PCNX2: variants seen among roughly 807,000 people sequenced by gnomAD.
PCNX2 encodes the protein pecanex-like protein 2.
PCNX2 carries 168 observed loss-of-function variants against 223.8 expected under a neutral mutation model. That is an observed-to-expected ratio of 0.75 (90% CI 0.66 to 0.85). The LOEUF is 0.85. Ranked by LOEUF, PCNX2 falls within the 40% of genes least tolerant of loss-of-function variation. The pLI, the probability that PCNX2 is intolerant of heterozygous loss-of-function variation, is 0.00. For missense variants in PCNX2, 2,507 were observed against 2,675.5 expected (o/e 0.94, Z 1.39); for synonymous variants, 1,006 against 1,052.6 (o/e 0.96, Z 0.86).
chr1:233,280,220 C>T (rs1661120401), intron 1 of PCNX2, among the ~76,000 whole-genome samples: 2 of 151,870 alleles, frequency 1.3e-5, no homozygotes, highest in African/African-American at 2.4e-5. Flanking sequence ...ACAAATAGTG[C>T]TTCAGTGACT....
At chr1:233,081,998 G>C (rs1417840913) in intron 23 of PCNX2, among the ~76,000 whole-genome samples, 1 of 150,162 alleles carries the variant, frequency 6.7e-6, no homozygotes, top group Non-Finnish European at 1.5e-5. Flanking sequence ...GTGTGTTTGT[G>C]TGTGTGTGTG....
chr1:233,287,496 G>A (rs1490778627), intron 1 of PCNX2, among the ~76,000 whole-genome samples: 1 of 152,110 alleles, frequency 6.6e-6, no homozygotes, highest in Admixed American at 6.5e-5. Flanking sequence ...GAGATCTGGT[G>A]GTTTTATAAA....
intron 17 of PCNX2, among the ~76,000 whole-genome samples, chr1:233,174,819 T>G (rs1679378288): frequency 6.6e-6 from 1 of 152,184 alleles, no homozygotes; most frequent in Non-Finnish European, 1.5e-5. Context: ...TATATCTTTA[T>G]TAAGTAATGA....
chr1:233,131,875 C>T (rs571855316), intron 21 of PCNX2, among the ~76,000 whole-genome samples: 15 of 151,830 alleles, frequency 9.9e-5, no homozygotes, highest in Non-Finnish European at 2.2e-4. Context: ...ATTGGTGCTT[C>T]AAAAAGATGA....
Position 233,258,119 on chromosome 1 carries a change from G to T in PCNX2, c.1743C>A (p.Ser581=). The T allele has an allele frequency of 6.2e-7, 1 of 1,613,818 alleles. No homozygotes were observed. Among genetic ancestry groups the T allele is most frequent in the Non-Finnish European group, 8.5e-7 (1 of 1,179,826 alleles). Residue 581 remains serine (S), a synonymous_variant, in exon 5 of 34, where the codon TCC becomes TCA. Transcript: ENST00000258229. ...PNESNFLEFV[S]LLESINTSKM... is the part of the protein sequence containing the mutation. The stretch of plus-strand genomic sequence containing the variant: ...TGGAAGTATTAATGGATTCTAACAG[G>T]GAGACAAATTCCAGGAAGTTGGACT...
intron 4 of PCNX2, 142 bp from the exon 5 acceptor site, chr1:233,259,486 T>G (rs1224307995): frequency 2.4e-6 from 3 of 1,245,228 alleles, no homozygotes; most frequent in Non-Finnish European, 3.2e-6. Flanking sequence ...CTTTAAGTTC[T>G]GGGTTACATG....
intron 15 of PCNX2, among the ~76,000 whole-genome samples, chr1:233,194,775 G>C (rs1680625660): frequency 6.6e-6 from 1 of 152,118 alleles, no homozygotes; most frequent in Admixed American, 6.5e-5. Context: ...CCAGCACTTT[G>C]GGAGGCCGAG....
rs199655417 is a variant in PCNX2 at position 233,001,714 on chromosome 1, A to C, written c.4953-33T>G. ...ACAAAGTCCTATTACTATGGAACAA[A>C]TTTCAGAATCCTGTCATTGTGAGCA... On this transcript the variant is annotated intron_variant, in intron 28 of 33. Transcript: ENST00000258229. The surrounding 1 kb of genome is among the most constrained non-coding windows in gnomAD (Gnocchi z 4.2). 864 of 1,498,080 alleles carry C rather than the reference A, an allele frequency of 5.8e-4. No homozygotes were observed. The highest frequency in any genetic ancestry group is 1.2e-3 in the Admixed American group (59 of 49,188). 92.8% of individuals were successfully genotyped at this position (1,498,080 alleles called of 1,614,324 possible).
Position 233,291,081 on chromosome 1 carries a change from T to C in PCNX2, c.153+4245A>G, listed in dbSNP as rs140726902. On this transcript the variant is annotated intron_variant, in intron 1 of 33. Transcript: ENST00000258229. ...TTTCACAGCCTTCAAAGTGCTCTTA[T>C]ATGTAGTATGTCAGGCAGCATAATG... 3.2e-4 allele frequency: 311 copies of C among 985,364 alleles called. No homozygotes were observed. The African/African-American group carries it at 5.1e-3, about 16-fold the overall frequency. The allele number at this position is 985,364 out of a possible 1,614,324, so 61.0% of individuals were successfully genotyped here.
At chr1:233,195,781 G>C (rs1680691862) in intron 15 of PCNX2, among the ~76,000 whole-genome samples, 1 of 152,152 alleles carries the variant, frequency 6.6e-6, no homozygotes, top group Admixed American at 6.5e-5. Context: ...AAGTAACAAA[G>C]ACTGTGGTAT....
chr1:233,236,132 C>G (rs1658396059), intron 9 of PCNX2, among the ~76,000 whole-genome samples: 1 of 151,650 alleles, frequency 6.6e-6, no homozygotes. Context: ...CAATGGAAAC[C>G]AATCTTTCTT....
intron 19 of PCNX2, among the ~76,000 whole-genome samples, chr1:233,150,578 A>G (rs1677737928): frequency 6.6e-6 from 1 of 152,182 alleles, no homozygotes; most frequent in South Asian, 2.1e-4. Context: ...TCTCTTCCTC[A>G]ACCAAGATGA....
intron 19 of PCNX2, among the ~76,000 whole-genome samples, chr1:233,156,734 A>G (rs1323250226): frequency 6.6e-6 from 1 of 152,170 alleles, no homozygotes; most frequent in Non-Finnish European, 1.5e-5. Flanking sequence ...ACTGGCCAAC[A>G]TGGTGAAACC....
intron 15 of PCNX2, among the ~76,000 whole-genome samples, chr1:233,185,039 G>T (rs528593056): frequency 6.7e-6 from 1 of 149,828 alleles, no homozygotes; most frequent in East Asian, 2.0e-4. Flanking sequence ...CATTCTCCAG[G>T]TTACCTGTTC....
intron 20 of PCNX2, among the ~76,000 whole-genome samples, chr1:233,138,395 A>C (rs1224015130): frequency 2.6e-5 from 4 of 152,230 alleles, no homozygotes; most frequent in African/African-American, 9.6e-5. Flanking sequence ...CCTGAAGTTG[A>C]ATAGGGAAAA....
At chr1:233,107,708 TA>T (rs959950433) in intron 21 of PCNX2, among the ~76,000 whole-genome samples, 3 of 151,536 alleles carry the variant, frequency 2.0e-5, no homozygotes, top group Non-Finnish European at 4.4e-5. Flanking sequence ...ATGACTTTTC[TA>T]AAAATCTCAT....
chr1:232,989,070 A>AGTT (rs766047126), intron 32 of PCNX2, among the ~76,000 whole-genome samples: 2 of 152,174 alleles, frequency 1.3e-5, no homozygotes. Context: ...GGGTGGGGGC[A>AGTT]GTTGGGTCCC....
Position 233,262,171 on chromosome 1 carries a change from CCAA to C in PCNX2, c.360-9_360-7del, listed in dbSNP as rs1660090020. On this transcript the variant is annotated splice_polypyrimidine_tract_variant and splice_region_variant and intron_variant, in intron 2 of 33. Transcript: ENST00000258229. ...TGTGAATCTGCCTATTATTGCTAAC[CCAA>C]CATGAGAAACACAAGAGCAGTGAGC... The C allele has an allele frequency of 1.2e-6, 2 of 1,613,344 alleles. No homozygotes were observed. The highest frequency in any genetic ancestry group is 2.7e-5 in the African/African-American group (2 of 74,876).
rs1163735631 is a variant in PCNX2 at position 233,075,305 on chromosome 1, G to C, written c.4076+14756C>G. ...ATGAATCTCCACTGAATTATGTTGT[G>C]TGAAAATAGGCAATCCCAAAAGGTT... On this transcript the variant is annotated intron_variant, in intron 23 of 33. Transcript: ENST00000258229. 2.0e-5 allele frequency among the ~76,000 whole-genome samples: 3 copies of C among 152,292 alleles called. No individual in the cohort carries two copies. In the East Asian group the frequency reaches 5.8e-4, roughly 29 times the overall value.
Sources: allele counts gnomAD v4.1 joint callset (sites outside exome capture counted in the v4.1 genomes callset), GRCh38; gene constraint gnomAD v4.1.1; non-coding constraint Gnocchi (gnomAD v3.1); transcripts MANE v1.5; gene names NCBI Gene and HGNC (gene_info 2026-07-23, HGNC 2026-07-21).